Variants in ASTN1 observed in about 807,000 individuals in gnomAD.
ASTN1 encodes the protein astrotactin-1.
ASTN1 carries 41 observed loss-of-function variants against 140.7 expected under a neutral mutation model. That is an observed-to-expected ratio of 0.29 (90% CI 0.23 to 0.38). The LOEUF is 0.38. ASTN1 is among the 10% of genes least tolerant of loss of function. ASTN1 has a pLI of 1.00. For missense variants in ASTN1, 1,479 were observed against 1,678.8 expected (o/e 0.88, Z 2.08); for synonymous variants, 640 against 652.2 (o/e 0.98, Z 0.29).
downstream of ASTN1, among the ~76,000 whole-genome samples, chr1:176,859,171 C>CA (rs1667891019): frequency 6.6e-6 from 1 of 152,088 alleles, no homozygotes; most frequent in Non-Finnish European, 1.5e-5. Flanking sequence ...TTCCTTGTCC[C>CA]AAATTGTCCA....
At chr1:177,018,147 G>A (rs1312218386) in intron 7 of ASTN1, among the ~76,000 whole-genome samples, 1 of 151,976 alleles carries the variant, frequency 6.6e-6, no homozygotes, top group Non-Finnish European at 1.5e-5. Flanking sequence ...GACATCGAAA[G>A]GAGGCAAGTC....
In ASTN1 at chr1:176,936,346, G is replaced by C. The variant is rs749628613; in HGVS notation, c.2402C>G (p.Ser801Cys). 9 of 1,612,956 alleles carry C rather than the reference G, an allele frequency of 5.6e-6. No individual in the cohort carries two copies. In the East Asian group the frequency reaches 1.8e-4, roughly 32 times the overall value. ...CCAGTGCTGCAGCACAGGGTACCCA[G>C]ACACTTCACTGAAGTTCACCATCCC... ...LTGMVNFSEV[S>C]GYPVLQHWKV... Residue 801 changes from serine to cysteine, a missense_variant, in exon 15 of 23, where the codon TCT (serine) becomes TGT (cysteine). This residue lies in a region of ASTN1 where 746 missense variants were observed against 800.9 expected (regional missense o/e 0.93). Transcript: ENST00000361833.
chr1:177,038,547 A>G (rs1676834423), intron 2 of ASTN1, among the ~76,000 whole-genome samples: 1 of 152,134 alleles, frequency 6.6e-6, no homozygotes, highest in South Asian at 2.1e-4. Flanking sequence ...AAAGGAAGAA[A>G]AGGAAGAAGC....
intron 12 of ASTN1, 147 bp downstream of exon 12, chr1:176,949,038 C>T (rs1672074473): frequency 3.5e-6 from 4 of 1,144,598 alleles, no homozygotes; most frequent in South Asian, 1.6e-5. Context: ...TAAAAATGTT[C>T]CCCCCCAAGT....
chr1:176,953,145 T>C (rs2103122410), intron 11 of ASTN1, among the ~76,000 whole-genome samples: 1 of 152,356 alleles, frequency 6.6e-6, no homozygotes, highest in South Asian at 2.1e-4. Context: ...TTGTCATCTT[T>C]CCCCTCTTTT....
chr1:176,899,038 G>A (rs994018016), intron 16 of ASTN1, among the ~76,000 whole-genome samples: 1 of 152,194 alleles, frequency 6.6e-6, no homozygotes, highest in African/African-American at 2.4e-5. Flanking sequence ...TGTCAGGGAA[G>A]GTCCGGAGTC....
At chr1:176,942,813 T>C (rs1671776741) in intron 14 of ASTN1, among the ~76,000 whole-genome samples, 1 of 60,276 alleles carries the variant, frequency 1.7e-5, no homozygotes. Context: ...ATGTACTTTG[T>C]GTGTGTGTAT....
chr1:176,981,211 C>CAAAAAAAAAAAAAAAAAA (rs35209486), intron 8 of ASTN1, among the ~76,000 whole-genome samples: 1 of 24,058 alleles, frequency 4.2e-5, no homozygotes, highest in Non-Finnish European at 8.8e-5. Flanking sequence ...GACTCTGTCT[C>CAAAAAAAAAAAAAAAAAA]AAAAAAAAAA....
intron 7 of ASTN1, among the ~76,000 whole-genome samples, chr1:177,015,867 G>A (rs912498597): frequency 1.3e-5 from 2 of 152,040 alleles, no homozygotes; most frequent in African/African-American, 4.8e-5. Context: ...AAACTACTGA[G>A]GCCAGTTACA....
At chr1:176,988,257 G>A (rs539096009) in intron 8 of ASTN1, among the ~76,000 whole-genome samples, 2 of 148,534 alleles carry the variant, frequency 1.3e-5, no homozygotes, top group South Asian at 4.3e-4. Context: ...TACTAAAGAA[G>A]GGAACAAAGG....
chr1:177,152,530 GA>G (rs545233053), intron 1 of ASTN1, among the ~76,000 whole-genome samples: 85 of 142,428 alleles, frequency 6.0e-4, no homozygotes, highest in Middle Eastern at 7.4e-3. Context: ...AACTTTATGA[GA>G]AAAAAAAAAA....
At chr1:176,876,229 T>C (rs916267009) in intron 21 of ASTN1, among the ~76,000 whole-genome samples, 2 of 152,196 alleles carry the variant, frequency 1.3e-5, no homozygotes, top group African/African-American at 4.8e-5. Flanking sequence ...AGGGCAGAGA[T>C]CACAGGTACT....
At chr1:177,009,184 G>T (rs1675158733) in intron 8 of ASTN1, among the ~76,000 whole-genome samples, 1 of 152,178 alleles carries the variant, frequency 6.6e-6, no homozygotes, top group Admixed American at 6.5e-5. Flanking sequence ...GATGACAGCT[G>T]AGAGGAGGTT....
chr1:176,992,044 T>A (rs1167940564), intron 8 of ASTN1, among the ~76,000 whole-genome samples: 1 of 152,110 alleles, frequency 6.6e-6, no homozygotes, highest in Non-Finnish European at 1.5e-5. Context: ...ATAGAAAAAA[T>A]ACAATAAGTA....
chr1:176,860,089 C>A (rs1667920585), downstream of ASTN1, among the ~76,000 whole-genome samples: 1 of 152,146 alleles, frequency 6.6e-6, no homozygotes, highest in Non-Finnish European at 1.5e-5. Context: ...CCTTGAATTT[C>A]TTAGGTGGTG....
At chr1:176,902,154 T>C (rs1669792454) in intron 16 of ASTN1, among the ~76,000 whole-genome samples, 1 of 149,984 alleles carries the variant, frequency 6.7e-6, no homozygotes, top group Non-Finnish European at 1.5e-5. Flanking sequence ...CGAGAAAAGA[T>C]GTCTTTCGGA....
intron 8 of ASTN1, among the ~76,000 whole-genome samples, chr1:176,980,476 C>T (rs935184561): frequency 5.3e-5 from 8 of 152,102 alleles, no homozygotes; most frequent in Non-Finnish European, 1.0e-4. Flanking sequence ...GAGACTCTCC[C>T]AAACTCTAGG....
intron 22 of ASTN1, among the ~76,000 whole-genome samples, chr1:176,865,796 C>A (rs1668111877): frequency 6.6e-6 from 1 of 152,192 alleles, no homozygotes; most frequent in Non-Finnish European, 1.5e-5. Flanking sequence ...ACTTACAGTT[C>A]CACATGGCTG....
intron 8 of ASTN1, among the ~76,000 whole-genome samples, chr1:176,972,177 C>T (rs1379303135): frequency 6.6e-6 from 1 of 152,170 alleles, no homozygotes; most frequent in Non-Finnish European, 1.5e-5. Flanking sequence ...CATGGGAACA[C>T]TGTTGTACAT....
Sources: allele counts gnomAD v4.1 joint callset (sites outside exome capture counted in the v4.1 genomes callset), GRCh38; gene constraint gnomAD v4.1.1; regional missense constraint gnomAD v4.1.1; transcripts MANE v1.5; gene names NCBI Gene and HGNC (gene_info 2026-07-23, HGNC 2026-07-21).